The following ANGEL1 variants were observed in gnomAD, a reference collection of about 807,000 sequenced individuals.
ANGEL1 encodes the protein angel homolog 1, also known as RNA 2',3'-cyclic phosphatase ANGEL1.
ANGEL1 carries 62 observed loss-of-function variants against 76.4 expected under a neutral mutation model. That is an observed-to-expected ratio of 0.81 (90% CI 0.66 to 1.00). ANGEL1 has a LOEUF of 1.00. Among genes scored for constraint, ANGEL1 ranks in the 50% least tolerant of loss-of-function variants. The probability of loss-of-function intolerance (pLI) is 0.00; values close to 1 mark genes in which losing one functional copy is unlikely to be tolerated. For missense variants in ANGEL1, 737 were observed against 836.7 expected (o/e 0.88, Z 1.47); for synonymous variants, 340 against 331.7 (o/e 1.03, Z -0.27).
intron 3 of ANGEL1, among the ~76,000 whole-genome samples, 187 bp from the exon 4 acceptor site, chr14:76,807,689 T>C (rs1287776032): frequency 6.6e-6 from 1 of 152,158 alleles, no homozygotes; most frequent in Admixed American, 6.5e-5. Context: ...ATTTTCCTGC[T>C]CCTTGAATCC....
intron 1 of ANGEL1, chr14:76,809,953 C>T (rs749255433): frequency 9.5e-5 from 41 of 431,032 alleles, no homozygotes; most frequent in Admixed American, 4.0e-4. Context: ...TATACCCACA[C>T]TCCTTTTACA....
At chr14:76,802,665 C>T (rs1458768246) in intron 7 of ANGEL1, among the ~76,000 whole-genome samples, 1 of 151,002 alleles carries the variant, frequency 6.6e-6, no homozygotes, top group African/African-American at 2.4e-5. Flanking sequence ...ATGACCTGTG[C>T]TTTCTACTCT....
rs1256434622 is a variant in ANGEL1 at position 76,786,164 on chromosome 14, TTTC to T, written c.*3061_*3063del. ...CTGAGTTTTCTTTCTTTTCTTTTCT[TTTC>T]TTTTTTTTTTTTTGAGATGGAGTTT... On this transcript the variant is annotated 3_prime_UTR_variant, in exon 10 of 10. Coordinates refer to ENST00000251089, the MANE Select transcript of ANGEL1 (RefSeq NM_015305.4). 459 of 143,034 alleles carry T rather than the reference TTTC, an allele frequency of 3.2e-3. 1 individual carries two copies. Among genetic ancestry groups the T allele is most frequent in the African/African-American group, 0.011 (395 of 37,132 alleles). 8.9% of individuals were successfully genotyped at this position (143,034 alleles called of 1,614,324 possible).
intron 1 of ANGEL1, among the ~76,000 whole-genome samples, chr14:76,811,630 C>T (rs951916392): frequency 6.6e-6 from 1 of 151,518 alleles, no homozygotes; most frequent in Non-Finnish European, 1.5e-5. Context: ...GGAAAAACAG[C>T]AACATAGTTA....
At position 76,791,374 on chromosome 14, in the gene ANGEL1, G is replaced by C; in HGVS notation, c.1619-8C>G. ...CCCAACCCGCAGGTCGCTCTGCAGA[G>C]GACCAGAGAGAAAAACATTTTCTCA... On this transcript the variant is annotated splice_polypyrimidine_tract_variant and splice_region_variant and intron_variant, in intron 7 of 9. Transcript: ENST00000251089. 1 of 1,613,444 alleles carries C rather than the reference G, an allele frequency of 6.2e-7. No individual in the cohort carries two copies. The highest frequency in any genetic ancestry group is 8.5e-7 in the Non-Finnish European group (1 of 1,179,710).
intron 7 of ANGEL1, among the ~76,000 whole-genome samples, chr14:76,794,273 T>C (rs1894507963): frequency 2.0e-5 from 3 of 152,110 alleles, no homozygotes; most frequent in Admixed American, 2.0e-4. Flanking sequence ...ATGGGTGGAT[T>C]TTATGACATG....
At chr14:76,799,556 G>C (rs1463421902) in intron 7 of ANGEL1, among the ~76,000 whole-genome samples, 1 of 152,102 alleles carries the variant, frequency 6.6e-6, no homozygotes, top group African/African-American at 2.4e-5. Context: ...GCCTCCCAAA[G>C]TGCTGGGATT....
chr14:76,799,591 C>G (rs933814863), intron 7 of ANGEL1, among the ~76,000 whole-genome samples: 1 of 152,086 alleles, frequency 6.6e-6, no homozygotes, highest in South Asian at 2.1e-4. Flanking sequence ...CCGCGCCCGG[C>G]CCATTCATGG....
In ANGEL1 at chr14:76,803,252, T is replaced by C. The variant is rs1411028465; in HGVS notation, c.1618+119A>G. The C allele has an allele frequency of 3.8e-6, 3 of 784,074 alleles. No individual in the cohort carries two copies. The East Asian group carries it at 8.0e-5, about 21-fold the overall frequency. The allele number at this position is 784,074 out of a possible 1,614,324, so 48.6% of individuals were successfully genotyped here. A position where few individuals can be genotyped will look rare whatever the true frequency, so the allele number is the denominator to read the frequency against. Reference sequence around the variant, plus strand: ...AACTAACCTTCCTTCTAAATATACGTATTACCAGAAGCTAATCTCTAAGAA... The same window carrying C: ...AACTAACCTTCCTTCTAAATATACGCATTACCAGAAGCTAATCTCTAAGAA... On this transcript the variant is annotated intron_variant, in intron 7 of 9. Transcript: ENST00000251089.
chr14:76,787,639 A>G lies in ANGEL1; in HGVS notation c.*1589T>C, dbSNP rs1176253152. On this transcript the variant is annotated 3_prime_UTR_variant, in exon 10 of 10. Transcript: ENST00000251089. ...GAAAGCTTCTAACCATGAATGCAGCAGCACAATGCAAACTGGGTCTTTGGC... is the reference window on the plus strand; with the variant it reads ...GAAAGCTTCTAACCATGAATGCAGCGGCACAATGCAAACTGGGTCTTTGGC... The G allele has an allele frequency of 6.6e-6, 1 of 152,664 alleles. No homozygotes were observed. Among genetic ancestry groups the G allele is most frequent in the Non-Finnish European group, 1.5e-5 (1 of 68,062 alleles). The allele number at this position is 152,664 out of a possible 1,614,324, so 9.5% of individuals were successfully genotyped here.
At position 76,809,457 on chromosome 14, in the gene ANGEL1, TTATC is replaced by T. The variant is rs1895019773; in HGVS notation, c.247_250del (p.Asp83LysfsTer3). The T allele has an allele frequency of 6.2e-7, 1 of 1,614,080 alleles. No individual in the cohort carries two copies. Among genetic ancestry groups the T allele is most frequent in the South Asian group, 1.1e-5 (1 of 91,086 alleles). Reference sequence around the variant, plus strand: ...TGCCAGGCTGCTCTGGGCTAGTCCTTTATCTATAAGGGGCCCCTCACTTGCAGTT... The same window carrying T: ...TGCCAGGCTGCTCTGGGCTAGTCCTTTATAAGGGGCCCCTCACTTGCAGTT... On this transcript the variant is annotated frameshift_variant, in exon 2 of 10. Transcript: ENST00000251089. LOFTEE classifies it high-confidence loss of function.
rs1317969660 is a variant in ANGEL1, at chr14:76,803,808, G to A, written c.1485C>T (p.Thr495=). The A allele has an allele frequency of 9.3e-6, 15 of 1,613,664 alleles. No individual in the cohort carries two copies. Among genetic ancestry groups the A allele is most frequent in the Non-Finnish European group, 1.3e-5 (15 of 1,179,834 alleles). ...LGITDCCQYV[T]SCHPKRSERR... ...CACCTGATCTCTTGGGGTGACAGGA[G>A]GTGACATACTGACAGCAATCAGTGA... The change falls in exon 6 of 10, where the codon ACC becomes ACT. Residue 495 remains threonine, a synonymous_variant. Transcript: ENST00000251089.
At chr14:76,812,416 G>C (rs1307494094) in intron 1 of ANGEL1, 1 of 1,111,850 alleles carries the variant, frequency 9.0e-7, no homozygotes, top group South Asian at 4.3e-5. Flanking sequence ...ACCCCTTCCC[G>C]ACCCGCCGGG....
At chr14:76,810,224 C>T (rs1188295543) in intron 1 of ANGEL1, 1 of 454,736 alleles carries the variant, frequency 2.2e-6, no homozygotes, top group East Asian at 7.0e-5. Flanking sequence ...GAGTTAGAGA[C>T]CAGCCTGGGC....
rs760458838 is a variant in ANGEL1 at position 76,807,419 on chromosome 14, G to A, written c.946+14C>T. On this transcript the variant is annotated intron_variant, in intron 4 of 9. Coordinates refer to ENST00000251089, the MANE Select transcript of ANGEL1 (RefSeq NM_015305.4). ...GAAAGAAAAGCTGGCAAGCATCCCA[G>A]GGAGCTGCATTACCCATCATTCGCA... 1 of 1,608,016 alleles carries A rather than the reference G, an allele frequency of 6.2e-7. No individual in the cohort carries two copies.
At position 76,810,681 on chromosome 14, in the gene ANGEL1, C is replaced by T. The variant is rs905589837; in HGVS notation, c.65-1038G>A. Among the ~76,000 whole-genome samples, 21 of 152,174 alleles carry T rather than the reference C, an allele frequency of 1.4e-4. 1 individual carries two copies. The highest frequency in any genetic ancestry group is 5.9e-5 in the Non-Finnish European group (4 of 68,040). On this transcript the variant is annotated intron_variant, in intron 1 of 9. Transcript: ENST00000251089. ...CATTATCTGCTTTCCCATTCCACAA[C>T]ACATCAGAGGCTATAAATTACAAGG...
At chr14:76,803,620 T>C in intron 6 of ANGEL1, 139 bp from the exon 7 acceptor site, 2 of 1,351,374 alleles carry the variant, frequency 1.5e-6, no homozygotes, top group Non-Finnish European at 2.0e-6. Flanking sequence ...AAGGCTATGA[T>C]TTAAAGTTGT....
chr14:76,803,632 C>T, intron 6 of ANGEL1, 151 bp from the exon 7 acceptor site: 1 of 1,356,680 alleles, frequency 7.4e-7, no homozygotes, highest in South Asian at 1.4e-5. Context: ...TAAAGTTGTC[C>T]ATTTCATTGG....
At chr14:76,793,259 C>T (rs1477678749) in intron 7 of ANGEL1, among the ~76,000 whole-genome samples, 1 of 147,864 alleles carries the variant, frequency 6.8e-6, no homozygotes, top group Non-Finnish European at 1.5e-5. Flanking sequence ...GGCCATAAGA[C>T]AATATTGTTA....
Sources: allele counts gnomAD v4.1 joint callset (sites outside exome capture counted in the v4.1 genomes callset), GRCh38; gene constraint gnomAD v4.1.1; transcripts MANE v1.5; gene names NCBI Gene and HGNC (gene_info 2026-07-23, HGNC 2026-07-21).